The following USH2A variants were observed in gnomAD, a reference collection of about 807,000 sequenced individuals.
USH2A encodes the protein usherin.
In USH2A, 443 loss-of-function variants were observed where a neutral mutation model predicts 538.9. The observed-to-expected ratio is 0.82, with a 90% confidence interval of 0.76 to 0.89. The LOEUF is 0.89. Ranked by LOEUF, USH2A falls within the 40% of genes least tolerant of loss-of-function variation. USH2A has a pLI of 0.00. For missense variants in USH2A, 6,633 were observed against 6,324.8 expected (o/e 1.05, Z -1.65); for synonymous variants, 2,413 against 2,273.5 (o/e 1.06, Z -1.75).
chr1:216,117,479 AT>A (rs1453666059), intron 21 of USH2A, among the ~76,000 whole-genome samples: 1 of 152,186 alleles, frequency 6.6e-6, no homozygotes, highest in African/African-American at 2.4e-5. Context: ...ATTAATAAGT[AT>A]TAACAGATCT....
intron 58 of USH2A, among the ~76,000 whole-genome samples, chr1:215,757,910 A>T (rs4655428): frequency 6.6e-6 from 1 of 152,210 alleles, no homozygotes; most frequent in Admixed American, 6.5e-5. Flanking sequence ...GGAATGGTAT[A>T]ATGTCAATGA....
At chr1:215,696,319 A>G (rs1306437159) in intron 61 of USH2A, among the ~76,000 whole-genome samples, 1 of 152,110 alleles carries the variant, frequency 6.6e-6, no homozygotes, top group Non-Finnish European at 1.5e-5. Context: ...CTGTCTTAGG[A>G]GTGGCAGAGG....
chr1:216,101,936 G>A lies in USH2A; in HGVS notation c.4628-4723C>T, dbSNP rs566580302. 6.6e-5 allele frequency among the ~76,000 whole-genome samples: 10 copies of A among 152,312 alleles called. No homozygotes were observed. The East Asian group carries it at 1.9e-3, about 29-fold the overall frequency. ...CTACATGGAAATATTTAACTTTCAA[G>A]TAAGAGGTTTACAACTTTAAAATTT... On this transcript the variant is annotated intron_variant, in intron 21 of 71. Transcript: ENST00000307340.
intron 69 of USH2A, among the ~76,000 whole-genome samples, chr1:215,637,666 C>T (rs1057260822): frequency 4.6e-5 from 7 of 152,054 alleles, no homozygotes; most frequent in Admixed American, 2.0e-4. Context: ...GACATCCAGA[C>T]ATGTAAAGTT....
intron 30 of USH2A, among the ~76,000 whole-genome samples, chr1:216,049,148 G>A (rs1374029541): frequency 3.3e-5 from 5 of 152,112 alleles, no homozygotes; most frequent in Admixed American, 2.0e-4. Flanking sequence ...AACAGTAGGC[G>A]ATACATATAC....
intron 38 of USH2A, among the ~76,000 whole-genome samples, chr1:215,929,030 T>C (rs1197895485): frequency 6.6e-6 from 1 of 151,830 alleles, no homozygotes; most frequent in Non-Finnish European, 1.5e-5. Flanking sequence ...TAGTGAAAAA[T>C]GAAAAAAAGT....
rs201071654 is a variant in USH2A at position 215,838,022 on chromosome 1, G to T, written c.9340C>A (p.Pro3114Thr). Residue 3114 changes from proline (P) to threonine (T), a missense_variant, in exon 47 of 72, where the codon CCA becomes ACA. Transcript: ENST00000307340. ...TTVEDTPSDI[P>T]TPTIRGITSR... ...GTGATGCCACGAATTGTGGGTGTTG[G>T]TATATCACTTGGAGTGTCTTCCACA... is the stretch of plus-strand genomic sequence containing the variant. 1 of 1,613,954 alleles carries T rather than the reference G, an allele frequency of 6.2e-7. No individual in the cohort carries two copies. The highest frequency in any genetic ancestry group is 8.5e-7 in the Non-Finnish European group (1 of 1,179,920).
intron 21 of USH2A, among the ~76,000 whole-genome samples, chr1:216,107,205 T>C (rs1183015034): frequency 6.6e-6 from 1 of 151,884 alleles, no homozygotes; most frequent in East Asian, 1.9e-4. Flanking sequence ...ATCAACTTCT[T>C]TTATTAAGTA....
chr1:215,634,718 G>C lies in USH2A; in HGVS notation c.15053-15C>G. On this transcript the variant is annotated splice_polypyrimidine_tract_variant and intron_variant, in intron 69 of 71. Coordinates refer to ENST00000307340, the MANE Select transcript of USH2A (RefSeq NM_206933.4). ...TAGGACCAAGCCTGCAAAACCCAGA[G>C]AAAGAAAGGGGAAATGTTATTTCAG... The C allele has an allele frequency of 1.2e-6, 2 of 1,614,134 alleles. No homozygotes were observed. Among genetic ancestry groups the C allele is most frequent in the Non-Finnish European group, 1.7e-6 (2 of 1,179,964 alleles).
chr1:216,388,764 A>C (rs1010323710), intron 3 of USH2A, among the ~76,000 whole-genome samples: 3 of 152,242 alleles, frequency 2.0e-5, no homozygotes, highest in Non-Finnish European at 4.4e-5. Flanking sequence ...TCCAATAGCA[A>C]CTTCTAAGCT....
chr1:216,364,908 A>T (rs191514072), intron 4 of USH2A, 45 bp downstream of exon 4: 1 of 1,610,606 alleles, frequency 6.2e-7, no homozygotes, highest in East Asian at 2.2e-5. Context: ...TTTAAGAACA[A>T]TGTAATTGGA....
At position 216,418,494 on chromosome 1, in the gene USH2A, A is replaced by C; in HGVS notation, c.651+20T>G. ...ATCCTTGTGTTTAACCAAATGTTAA[A>C]TATTTTTTATTTTACTCACCTGCAC... is the stretch of plus-strand genomic sequence containing the variant. On this transcript the variant is annotated intron_variant, in intron 3 of 71. Transcript: ENST00000307340. 6.2e-7 allele frequency: 1 copy of C among 1,611,524 alleles called. No individual in the cohort carries two copies.
intron 38 of USH2A, among the ~76,000 whole-genome samples, chr1:215,911,419 G>C (rs1277435663): frequency 6.6e-6 from 1 of 151,600 alleles, no homozygotes; most frequent in African/African-American, 2.4e-5. Context: ...CAATTGCTTT[G>C]ATTTTTAGAT....
intron 9 of USH2A, among the ~76,000 whole-genome samples, chr1:216,300,063 C>A (rs1248996619): frequency 1.3e-5 from 2 of 151,924 alleles, no homozygotes; most frequent in African/African-American, 4.8e-5. Flanking sequence ...ATTCTTGGTC[C>A]CATAATTGGT....
chr1:216,411,488 A>G (rs1043781496), intron 3 of USH2A, among the ~76,000 whole-genome samples: 1 of 152,124 alleles, frequency 6.6e-6, no homozygotes, highest in African/African-American at 2.4e-5. Flanking sequence ...TGATGTCCTT[A>G]TAAGAAGAGA....
At chr1:215,817,826 CG>C (rs1300832323) in intron 47 of USH2A, among the ~76,000 whole-genome samples, 1 of 151,930 alleles carries the variant, frequency 6.6e-6, no homozygotes, top group Non-Finnish European at 1.5e-5. Context: ...CTATCCACAG[CG>C]GACTCTTGAA....
Position 216,246,761 on chromosome 1 carries a change from C to A in USH2A, c.2633G>T (p.Arg878Leu), listed in dbSNP as rs200124505. ...CCTGTGAGGCTCACACTGATTACAG[C>A]GAAGACCTGTTACCCCTAATTTGCA... ...CPCKLGVTGL[R>L]CNQCEPHRYN... The change falls in exon 13 of 72, where the codon CGC (arginine) becomes CTC (leucine). Residue 878 changes from arginine to leucine, a missense_variant. Transcript: ENST00000307340. 1.2e-6 allele frequency: 2 copies of A among 1,614,086 alleles called. No homozygotes were observed.
chr1:216,296,093 A>T (rs551277841), intron 9 of USH2A, among the ~76,000 whole-genome samples: 28 of 152,172 alleles, frequency 1.8e-4, no homozygotes, highest in South Asian at 1.4e-3. Context: ...TTTTAGCATG[A>T]AAACAAAGTG....
intron 16 of USH2A, among the ~76,000 whole-genome samples, chr1:216,206,410 T>G (rs552201389): frequency 6.6e-6 from 1 of 152,254 alleles, no homozygotes; most frequent in East Asian, 1.9e-4. Flanking sequence ...TTATATTTAT[T>G]ATTAGATTAT....
Sources: allele counts gnomAD v4.1 joint callset (sites outside exome capture counted in the v4.1 genomes callset), GRCh38; gene constraint gnomAD v4.1.1; transcripts MANE v1.5; gene names NCBI Gene and HGNC (gene_info 2026-07-23, HGNC 2026-07-21).